Variants in PKD1L1 observed in about 807,000 individuals in gnomAD.
PKD1L1 encodes the protein polycystin-1-like protein 1.
Under a neutral mutation model 323.4 loss-of-function variants are expected in PKD1L1, and 236 were observed. The observed-to-expected ratio is 0.73, with a 90% CI of 0.66 to 0.81. The LOEUF is 0.81. Among genes scored for constraint, PKD1L1 ranks in the 40% least tolerant of loss-of-function variants. The pLI is 0.00. For synonymous variants in PKD1L1, 1,344 were observed against 1,335.0 expected (o/e 1.01, Z -0.15); for missense variants, 3,320 against 3,508.0 (o/e 0.95, Z 1.35).
chr7:47,782,328 C>CA (rs909465793), intron 56 of PKD1L1, among the ~76,000 whole-genome samples: 46 of 150,718 alleles, frequency 3.1e-4, no homozygotes, highest in South Asian at 6.4e-4. Flanking sequence ...GGATGTTGGT[C>CA]AAAAAAAAAC....
rs1785960140 is a variant in PKD1L1, at chr7:47,858,827, C to T, written c.4208G>A (p.Gly1403Asp). Residue 1403 changes from glycine to aspartate, a missense_variant, in exon 27 of 57, where the codon GGC (glycine) becomes GAC (aspartate). By Grantham distance (94) the Gly-to-Asp change is moderately conservative. Coordinates refer to ENST00000289672, the MANE Select transcript of PKD1L1 (RefSeq NM_138295.5). Reference protein sequence around the residue: ...LKYTRALLAQGQFSGPFVIDK... With the variant: ...LKYTRALLAQDQFSGPFVIDK... Reference sequence around the variant, plus strand: ...AATCACAAATGGCCCCGAGAACTGGCCTTGAGCAAGGAGTGCCCGGGTGTA... The same window carrying T: ...AATCACAAATGGCCCCGAGAACTGGTCTTGAGCAAGGAGTGCCCGGGTGTA... 1.2e-6 allele frequency: 2 copies of T among 1,613,990 alleles called. No individual in the cohort carries two copies. Among genetic ancestry groups the T allele is most frequent in the African/African-American group, 2.7e-5 (2 of 74,902 alleles).
intron 13 of PKD1L1, among the ~76,000 whole-genome samples, chr7:47,898,526 C>T (rs1167544432): frequency 6.6e-6 from 1 of 151,946 alleles, no homozygotes; most frequent in African/African-American, 2.4e-5. Flanking sequence ...TTCCAAACGT[C>T]AAAAATATAA....
At chr7:47,797,353 A>G (rs1784566196) in intron 54 of PKD1L1, among the ~76,000 whole-genome samples, 1 of 152,236 alleles carries the variant, frequency 6.6e-6, no homozygotes, top group East Asian at 1.9e-4. Flanking sequence ...TTACCCAGAT[A>G]AAGCTTGTGT....
chr7:47,948,655 C>A (rs947274803), upstream of PKD1L1, among the ~76,000 whole-genome samples: 14 of 152,170 alleles, frequency 9.2e-5, no homozygotes, highest in African/African-American at 2.9e-4. Context: ...CAGACAAATT[C>A]CTTCCTAAGA....
At chr7:47,780,862 G>A (rs564534277) in intron 56 of PKD1L1, among the ~76,000 whole-genome samples, 2 of 152,204 alleles carry the variant, frequency 1.3e-5, no homozygotes, top group African/African-American at 2.4e-5. Context: ...TAAAGCTGCT[G>A]TGAACATTCA....
At chr7:47,888,674 G>C (rs566217689) in intron 16 of PKD1L1, among the ~76,000 whole-genome samples, 1 of 152,182 alleles carries the variant, frequency 6.6e-6, no homozygotes, top group Non-Finnish European at 1.5e-5. Flanking sequence ...CCTCGGCCCC[G>C]CCTCTTCCCT....
intron 56 of PKD1L1, among the ~76,000 whole-genome samples, chr7:47,778,067 T>G (rs956308433): frequency 3.3e-5 from 5 of 152,150 alleles, no homozygotes; most frequent in Non-Finnish European, 7.4e-5. Flanking sequence ...TTCCTAATCA[T>G]GGTACTCCTG....
rs537186205 is a variant in PKD1L1, at chr7:47,798,727, C to T, written c.8193+1922G>A. On this transcript the variant is annotated intron_variant, in intron 54 of 56. Coordinates refer to ENST00000289672, the MANE Select transcript of PKD1L1 (RefSeq NM_138295.5). ...CTGAGATCACGCCACTGCACTCCAG[C>T]CTGGGCGACAGAGTGAGACTCTGTC... is the stretch of plus-strand genomic sequence containing the variant. Among the ~76,000 whole-genome samples, 14 of 147,420 alleles carry T rather than the reference C, an allele frequency of 9.5e-5. No individual in the cohort carries two copies. In the East Asian group the frequency reaches 2.9e-3, roughly 30 times the overall value.
At chr7:47,779,073 G>A (rs1488558061) in intron 56 of PKD1L1, among the ~76,000 whole-genome samples, 4 of 152,280 alleles carry the variant, frequency 2.6e-5, no homozygotes, top group African/African-American at 9.6e-5. Flanking sequence ...TATCTGCTCT[G>A]AAAAATGCCA....
chr7:47,879,927 T>G (rs1786499317), intron 21 of PKD1L1, among the ~76,000 whole-genome samples: 1 of 117,902 alleles, frequency 8.5e-6, no homozygotes, highest in Admixed American at 8.1e-5. Context: ...AGGGACTCCG[T>G]CTCAACAAAA....
At chr7:47,827,264 CCCAGGAGGA>C in intron 45 of PKD1L1, 77 bp downstream of exon 45, 2 of 1,202,762 alleles carry the variant, frequency 1.7e-6, no homozygotes, top group Non-Finnish European at 2.3e-6. Context: ...AGAACAATCT[CCCAGGAGGA>C]CCAGCGGCAG....
At position 47,815,396 on chromosome 7, in the gene PKD1L1, T is replaced by C. The variant is rs1784994737; in HGVS notation, c.7027A>G (p.Thr2343Ala). The C allele has an allele frequency of 6.2e-7, 1 of 1,614,106 alleles. No homozygotes were observed. Among genetic ancestry groups the C allele is most frequent in the East Asian group, 2.2e-5 (1 of 44,884 alleles). ...NIADWWDWSLTTLLDGLYPGG... is the reference protein window; with the variant it reads ...NIADWWDWSLATLLDGLYPGG... ...GGGTACAGGCCATCCAGAAGTGTGG[T>C]CAGACTCCAGTCCCACCAGTCAGCG... The change falls in exon 47 of 57, where the codon ACC becomes GCC. Residue 2343 changes from threonine to alanine, a missense_variant. Thr to Ala is a moderately conservative substitution (Grantham distance 58, BLOSUM62 0). Transcript: ENST00000289672.
At chr7:47,922,262 C>T (rs1333634595) in intron 7 of PKD1L1, among the ~76,000 whole-genome samples, 1 of 152,184 alleles carries the variant, frequency 6.6e-6, no homozygotes, top group Non-Finnish European at 1.5e-5. Context: ...CGGCTCGCTA[C>T]AACCTCCACC....
At position 47,778,682 on chromosome 7, in the gene PKD1L1, G is replaced by C. The variant is rs1377633881; in HGVS notation, c.8527-3516C>G. On this transcript the variant is annotated intron_variant, in intron 56 of 56. Transcript: ENST00000289672. Reference sequence around the variant, plus strand: ...GAGACTATGTATTACTGATATATAGGAGACTTATGATTTTAAAAGTCATCC... The same window carrying C: ...GAGACTATGTATTACTGATATATAGCAGACTTATGATTTTAAAAGTCATCC... Among the ~76,000 whole-genome samples the C allele has an allele frequency of 3.9e-4, 59 of 152,194 alleles. 1 individual carries two copies. Among genetic ancestry groups the C allele is most frequent in the Admixed American group, 3.5e-3 (53 of 15,276 alleles).
upstream of PKD1L1, among the ~76,000 whole-genome samples, chr7:47,951,922 G>A (rs1454972470): frequency 6.6e-6 from 1 of 152,126 alleles, no homozygotes; most frequent in African/African-American, 2.4e-5. Context: ...AGCTTCCCGG[G>A]AAAGCACCTG....
intron 55 of PKD1L1, chr7:47,795,580 A>G (rs1464917793): frequency 5.8e-6 from 2 of 343,384 alleles, no homozygotes; most frequent in Admixed American, 8.4e-5. Flanking sequence ...GTTTACATGC[A>G]TGTCTGGGGT....
chr7:47,904,231 G>A lies in PKD1L1; in HGVS notation c.1931+147C>T, dbSNP rs115592863. The A allele has an allele frequency of 5.2e-4, 565 of 1,096,492 alleles. 1 individual carries two copies. The African/African-American group carries it at 8.2e-3, about 16-fold the overall frequency. The allele number at this position is 1,096,492 out of a possible 1,614,324, so 67.9% of individuals were successfully genotyped here. Reference sequence around the variant, plus strand: ...GACTAGGAGCTCCTTGAGAAGCATGGTCAGGTCTTATTTGTCTCTGTGTAA... The same window carrying A: ...GACTAGGAGCTCCTTGAGAAGCATGATCAGGTCTTATTTGTCTCTGTGTAA... On this transcript the variant is annotated intron_variant, in intron 12 of 56. Transcript: ENST00000289672.
chr7:47,839,732 A>T lies in PKD1L1; in HGVS notation c.5553-70T>A. 5.6e-6 allele frequency: 8 copies of T among 1,420,870 alleles called. No homozygotes were observed. Among genetic ancestry groups the T allele is most frequent in the Non-Finnish European group, 7.7e-6 (8 of 1,038,694 alleles). 88.0% of individuals were successfully genotyped at this position (1,420,870 alleles called of 1,614,324 possible). A position where few individuals can be genotyped will look rare whatever the true frequency, so the allele number is the denominator to read the frequency against. The stretch of plus-strand genomic sequence containing the variant: ...TGGTCCTGGCATCCCATCAGCCCCA[A>T]TGCTCACCCTCAAGGCACTGATGGC... On this transcript the variant is annotated intron_variant, in intron 35 of 56. Transcript: ENST00000289672. The surrounding 1 kb of genome is among the most constrained non-coding windows in gnomAD (Gnocchi z 4.3).
In PKD1L1 at chr7:47,805,828, T is replaced by C. The variant is rs573580983; in HGVS notation, c.7827+2419A>G. 2.0e-5 allele frequency among the ~76,000 whole-genome samples: 3 copies of C among 152,322 alleles called. No homozygotes were observed. The South Asian group carries it at 6.2e-4, about 32-fold the overall frequency. On this transcript the variant is annotated intron_variant, in intron 52 of 56. Transcript: ENST00000289672. ...GTTGCTTAACCTTTCAGAGCCTCGG[T>C]CTAGATGGGTGGCATACTAGTACCT... is the stretch of plus-strand genomic sequence containing the variant.
Sources: gnomAD v4.1 joint callset for allele counts (sites outside exome capture counted in the v4.1 genomes callset) on GRCh38, gnomAD v4.1.1 for gene constraint, Gnocchi (gnomAD v3.1) non-coding constraint, MANE v1.5 for transcripts, NCBI Gene and HGNC (gene_info 2026-07-23, HGNC 2026-07-21) for gene names.